Variants in KIF26B observed in about 807,000 individuals in gnomAD.
KIF26B encodes the protein kinesin-like protein KIF26B.
A neutral mutation model predicts 151.2 loss-of-function variants in KIF26B; 63 were observed. The observed-to-expected ratio is 0.42, with a 90% CI of 0.34 to 0.51. KIF26B has a LOEUF of 0.51. Ranked by LOEUF, KIF26B falls within the 20% of genes least tolerant of loss-of-function variation. The pLI, the probability that KIF26B is intolerant of heterozygous loss-of-function variation, is 0.07. For missense variants in KIF26B, 2,813 were observed against 2,913.6 expected, an observed-to-expected ratio of 0.97 and a Z score of 0.79; for synonymous variants, 1,357 against 1,262.1, an observed-to-expected ratio of 1.08 and a Z score of -1.59.
At chr1:245,699,805 A>G in intron 14 of KIF26B, among the ~76,000 whole-genome samples, 1 of 151,912 alleles carries the variant, frequency 6.6e-6, no homozygotes, top group East Asian at 1.9e-4. Context: ...CCTCCTTTGT[A>G]CAGCCCCTCC....
At chr1:245,580,972 C>T (rs565034096) in intron 5 of KIF26B, among the ~76,000 whole-genome samples, 4 of 152,308 alleles carry the variant, frequency 2.6e-5, no homozygotes, top group East Asian at 3.9e-4. Flanking sequence ...GACGCAGACC[C>T]GAGACAAGGG....
intron 2 of KIF26B, among the ~76,000 whole-genome samples, chr1:245,354,459 G>A (rs1446807248): frequency 6.6e-6 from 1 of 152,190 alleles, no homozygotes. Flanking sequence ...CCTCAGGGCC[G>A]CATCAGCCTC....
At chr1:245,673,742 G>C (rs1040886515) in intron 10 of KIF26B, 3 of 152,328 alleles carry the variant, frequency 2.0e-5, no homozygotes, top group Middle Eastern at 3.4e-3. Context: ...TTCTAAAAAT[G>C]CAAGTTTATC....
intron 2 of KIF26B, among the ~76,000 whole-genome samples, chr1:245,169,415 G>A (rs1416538391): frequency 4.7e-5 from 7 of 149,914 alleles, no homozygotes; most frequent in African/African-American, 1.2e-4. Flanking sequence ...GTGGTAACAC[G>A]GTAGACATTC....
intron 2 of KIF26B, among the ~76,000 whole-genome samples, chr1:245,188,603 G>A (rs920380444): frequency 1.3e-5 from 2 of 152,206 alleles, no homozygotes; most frequent in South Asian, 4.1e-4. Flanking sequence ...GAACATGTGT[G>A]TGTTGCTGCT....
chr1:245,156,343 G>A lies in KIF26B; in HGVS notation c.125G>A (p.Arg42Gln). The A allele has an allele frequency of 6.5e-7, 1 of 1,547,386 alleles. No homozygotes were observed. Among genetic ancestry groups the A allele is most frequent in the Non-Finnish European group, 8.7e-7 (1 of 1,145,874 alleles). The change falls in exon 2 of 15, where the codon CGG becomes CAG. Residue 42 changes from arginine (R) to glutamine (Q), a missense_variant. Coordinates refer to ENST00000407071, the MANE Select transcript of KIF26B (RefSeq NM_018012.4). The part of the protein sequence containing the change: ...AAPFSPESWY[R>Q]KAYEESRAGS... ...CCCTTCTCCCCGGAAAGCTGGTACC[G>A]GAAAGCATACGAGGAGTCGCGCGCC...
At chr1:245,245,955 G>A (rs947529663) in intron 2 of KIF26B, among the ~76,000 whole-genome samples, 1 of 150,330 alleles carries the variant, frequency 6.7e-6, no homozygotes, top group South Asian at 2.1e-4. Flanking sequence ...AGCCAGGCAT[G>A]ATGGCAGATG....
At chr1:245,203,750 TC>T (rs1471804039) in intron 2 of KIF26B, among the ~76,000 whole-genome samples, 2 of 152,146 alleles carry the variant, frequency 1.3e-5, no homozygotes, top group Admixed American at 1.3e-4. Flanking sequence ...GACGTTCAGT[TC>T]CCTCTCCACT....
intron 2 of KIF26B, among the ~76,000 whole-genome samples, chr1:245,247,996 A>G (rs1481924469): frequency 1.3e-5 from 2 of 152,216 alleles, no homozygotes; most frequent in Non-Finnish European, 2.9e-5. Context: ...ATAAGGGAAG[A>G]TGAGGGAAAA....
intron 4 of KIF26B, among the ~76,000 whole-genome samples, chr1:245,421,921 A>G (rs1249556314): frequency 6.6e-6 from 1 of 152,136 alleles, no homozygotes; most frequent in Non-Finnish European, 1.5e-5. Context: ...CACAGCAGGG[A>G]AAGGAATAAC....
Position 245,403,091 on chromosome 1 carries a change from C to A in KIF26B, c.1000-16488C>A, listed in dbSNP as rs74585770. On this transcript the variant is annotated intron_variant, in intron 3 of 14. Transcript: ENST00000407071. Reference sequence around the variant, plus strand: ...TCAAATGATCCTCCTGCCTCAGCCTCCCCAGTAGCTGGGACTACAGGTGTG... The same window carrying A: ...TCAAATGATCCTCCTGCCTCAGCCTACCCAGTAGCTGGGACTACAGGTGTG... Among the ~76,000 whole-genome samples, 15 of 152,254 alleles carry A rather than the reference C, an allele frequency of 9.9e-5. No homozygotes were observed. The East Asian group carries it at 2.9e-3, about 29-fold the overall frequency.
rs539515941 is a variant in KIF26B at position 245,554,831 on chromosome 1, C to T, written c.1350+13881C>T. Among the ~76,000 whole-genome samples, 255 of 152,292 alleles carry T rather than the reference C, an allele frequency of 1.7e-3. 1 individual carries two copies. Among genetic ancestry groups the T allele is most frequent in the African/African-American group, 5.9e-3 (245 of 41,564 alleles). ...GGTTGCCCTGCAATTAGTTCATATG[C>T]GTGAATCACAATGGCATATGTAAAA... On this transcript the variant is annotated intron_variant, in intron 5 of 14. Coordinates refer to ENST00000407071, the MANE Select transcript of KIF26B (RefSeq NM_018012.4).
In KIF26B at chr1:245,692,568, A is replaced by T. The variant is rs555109510; in HGVS notation, c.5824+3761A>T. Among the ~76,000 whole-genome samples, 3 of 152,184 alleles carry T rather than the reference A, an allele frequency of 2.0e-5. No homozygotes were observed. In the East Asian group the frequency reaches 5.8e-4, roughly 29 times the overall value. On this transcript the variant is annotated intron_variant, in intron 12 of 14. Coordinates refer to ENST00000407071, the MANE Select transcript of KIF26B (RefSeq NM_018012.4). The stretch of plus-strand genomic sequence containing the variant: ...GCGACACAGCGAGATTAACTCAAGG[A>T]GGGACCGTCCCAGCAAGCAGAGCAA...
chr1:245,709,217 C>T lies in KIF26B; in HGVS notation c.*6611C>T, dbSNP rs1475678372. ...GATTATGATAAATATGAGCAGGCTCCCTGGAGAACAGTCCAGAAAAAAAGA... is the reference window on the plus strand; with the variant it reads ...GATTATGATAAATATGAGCAGGCTCTCTGGAGAACAGTCCAGAAAAAAAGA... On this transcript the variant is annotated 3_prime_UTR_variant, in exon 15 of 15. Transcript: ENST00000407071. 1.3e-5 allele frequency: 2 copies of T among 152,124 alleles called. No individual in the cohort carries two copies. The highest frequency in any genetic ancestry group is 2.4e-5 in the African/African-American group (1 of 41,408). 9.4% of individuals were successfully genotyped at this position (152,124 alleles called of 1,614,324 possible). A position where few individuals can be genotyped will look rare whatever the true frequency, so the allele number is the denominator to read the frequency against.
intron 4 of KIF26B, among the ~76,000 whole-genome samples, chr1:245,517,030 A>C (rs537442116): frequency 6.6e-6 from 1 of 152,336 alleles, no homozygotes; most frequent in East Asian, 1.9e-4. Flanking sequence ...AAACATTTGC[A>C]TTGTGGCACT....
rs1253704957 is a variant in KIF26B, at chr1:245,569,998, T to G, written c.1350+29048T>G. ...TCGCCCAGGCTGGAGTGCAGTGGCA[T>G]GATCTCAGCTCACTGCAAGCTCCGC... On this transcript the variant is annotated intron_variant, in intron 5 of 14. Transcript: ENST00000407071. 3.7e-5 allele frequency among the ~76,000 whole-genome samples: 5 copies of G among 134,566 alleles called. No homozygotes were observed. The East Asian group carries it at 1.0e-3, about 28-fold the overall frequency. 88.3% of individuals were successfully genotyped at this position (134,566 alleles called of 152,430 possible).
intron 5 of KIF26B, among the ~76,000 whole-genome samples, chr1:245,571,543 G>T (rs1251732685): frequency 1.3e-5 from 2 of 152,176 alleles, no homozygotes; most frequent in East Asian, 3.9e-4. Flanking sequence ...TTCTTGAGAG[G>T]TGCCTGTCCA....
chr1:245,498,637 A>C (rs1660558709), intron 4 of KIF26B, among the ~76,000 whole-genome samples: 1 of 152,164 alleles, frequency 6.6e-6, no homozygotes, highest in Non-Finnish European at 1.5e-5. Flanking sequence ...TGGATTGTCA[A>C]GTTTTCTTCC....
chr1:245,366,086 A>G (rs185400660), intron 2 of KIF26B, among the ~76,000 whole-genome samples: 1 of 152,212 alleles, frequency 6.6e-6, no homozygotes, highest in African/African-American at 2.4e-5. Context: ...ATCTGCAACT[A>G]ACTTTCTGTG....
Sources: gnomAD v4.1 joint callset for allele counts (sites outside exome capture counted in the v4.1 genomes callset) on GRCh38, gnomAD v4.1.1 for gene constraint, MANE v1.5 for transcripts, NCBI Gene and HGNC (gene_info 2026-07-23, HGNC 2026-07-21) for gene names.